The following CTNND2 variants were observed in gnomAD, a reference collection of about 807,000 sequenced individuals.
CTNND2 encodes the protein catenin delta 2.
Under a neutral mutation model 144.4 loss-of-function variants are expected in CTNND2, and 22 were observed. The observed-to-expected ratio is 0.15, with a 90% CI of 0.11 to 0.22. The LOEUF (loss-of-function observed/expected upper bound fraction) is 0.22, where lower values mean the gene tolerates loss of function less well. Among genes scored for constraint, CTNND2 ranks in the 10% least tolerant of loss-of-function variants. The pLI, the probability that CTNND2 is intolerant of heterozygous loss-of-function variation, is 1.00. For missense variants in CTNND2, 1,353 were observed against 1,618.8 expected (o/e 0.84, Z 2.82); for synonymous variants, 751 against 695.6 (o/e 1.08, Z -1.25).
intron 3 of CTNND2, among the ~76,000 whole-genome samples, chr5:11,546,608 T>TA (rs1226190371): frequency 5.3e-4 from 80 of 152,132 alleles, no homozygotes; most frequent in African/African-American, 1.6e-3. Flanking sequence ...GTCTCTTTTT[T>TA]AAAAAAAAGA....
intron 3 of CTNND2, among the ~76,000 whole-genome samples, chr5:11,520,007 C>T (rs1196296375): frequency 2.7e-5 from 4 of 150,514 alleles, no homozygotes; most frequent in African/African-American, 2.4e-5. Flanking sequence ...AACAGCTGGG[C>T]GTGGTGGTGG....
chr5:11,525,898 A>G, intron 3 of CTNND2, among the ~76,000 whole-genome samples: 1 of 152,088 alleles, frequency 6.6e-6, no homozygotes, highest in Non-Finnish European at 1.5e-5. Flanking sequence ...TCACTATCTT[A>G]CTTGTTTTTT....
At position 11,725,951 on chromosome 5, in the gene CTNND2, G is replaced by A. The variant is rs566084237; in HGVS notation, c.174+6185C>T. ...GAGCTTCCTCTAGAATATTCTATGG[G>A]TTAATTTCTTGCTTTGTGCAAACCA... On this transcript the variant is annotated intron_variant, in intron 2 of 21. Coordinates refer to ENST00000304623, the MANE Select transcript of CTNND2 (RefSeq NM_001332.4). 1.1e-3 allele frequency among the ~76,000 whole-genome samples: 165 copies of A among 152,196 alleles called. 1 individual carries two copies. Among genetic ancestry groups the A allele is most frequent in the Non-Finnish European group, 1.9e-3 (126 of 68,014 alleles).
chr5:11,886,975 CTTTTTTTTTTTTTTTT>C (rs36178842), intron 1 of CTNND2, among the ~76,000 whole-genome samples: 1 of 83,574 alleles, frequency 1.2e-5, no homozygotes, highest in Non-Finnish European at 2.4e-5. Context: ...TATCCTACTG[CTTTTTTTTTTTTTTTT>C]TTTTTTTTTT....
intron 12 of CTNND2, among the ~76,000 whole-genome samples, chr5:11,126,906 C>T (rs192947929): frequency 2.0e-5 from 3 of 152,288 alleles, no homozygotes; most frequent in Admixed American, 2.0e-4. Context: ...AAAAAAGCAG[C>T]TCATGCAATG....
At chr5:11,494,797 A>G (rs1769778854) in intron 3 of CTNND2, among the ~76,000 whole-genome samples, 1 of 152,228 alleles carries the variant, frequency 6.6e-6, no homozygotes, top group Non-Finnish European at 1.5e-5. Flanking sequence ...GGTCAGCCAT[A>G]TTAATGCTAT....
chr5:11,301,080 T>G (rs1024682581), intron 9 of CTNND2, among the ~76,000 whole-genome samples: 2 of 152,148 alleles, frequency 1.3e-5, no homozygotes, highest in Non-Finnish European at 2.9e-5. Flanking sequence ...GCAGTGGCCC[T>G]ATCTCGGCTC....
At chr5:11,330,199 C>T (rs752914250) in intron 9 of CTNND2, among the ~76,000 whole-genome samples, 1 of 151,176 alleles carries the variant, frequency 6.6e-6, no homozygotes, top group Non-Finnish European at 1.5e-5. Context: ...TGGCTGGGCA[C>T]GGTGGCTCAC....
intron 16 of CTNND2, among the ~76,000 whole-genome samples, chr5:11,064,371 A>C (rs779467267): frequency 1.3e-4 from 20 of 152,200 alleles, no homozygotes; most frequent in Non-Finnish European, 2.4e-4. Context: ...CAGAGACTAG[A>C]TAACAATCAT....
chr5:11,399,888 T>C (rs909902428), intron 5 of CTNND2, among the ~76,000 whole-genome samples: 1 of 152,244 alleles, frequency 6.6e-6, no homozygotes, highest in Non-Finnish European at 1.5e-5. Flanking sequence ...GTTTTTCCAT[T>C]GCTCACTAGG....
chr5:11,258,306 G>T lies in CTNND2; in HGVS notation c.1629-21483C>A, dbSNP rs549346206. ...GACCAGGCCCAAAGCATTTGGAGGG[G>T]CTGGATGGGCCCCTGCTCTCCTTTC... On this transcript the variant is annotated intron_variant, in intron 9 of 21. Coordinates refer to ENST00000304623, the MANE Select transcript of CTNND2 (RefSeq NM_001332.4). Among the ~76,000 whole-genome samples the T allele has an allele frequency of 2.4e-4, 36 of 152,332 alleles. No individual in the cohort carries two copies. The East Asian group carries it at 4.1e-3, about 17-fold the overall frequency.
chr5:11,277,075 A>G (rs190827334), intron 9 of CTNND2, among the ~76,000 whole-genome samples: 3 of 152,336 alleles, frequency 2.0e-5, no homozygotes, highest in Admixed American at 2.0e-4. Flanking sequence ...TTGAAGAGAA[A>G]AAGAAACGCA....
At chr5:11,819,686 T>G (rs1013624528) in intron 1 of CTNND2, among the ~76,000 whole-genome samples, 1 of 152,176 alleles carries the variant, frequency 6.6e-6, no homozygotes, top group Non-Finnish European at 1.5e-5. Context: ...AAGTAACTTT[T>G]GCCGCCTCTT....
intron 10 of CTNND2, among the ~76,000 whole-genome samples, chr5:11,234,466 G>C (rs1322049414): frequency 1.3e-5 from 2 of 152,190 alleles, no homozygotes; most frequent in African/African-American, 2.4e-5. Context: ...GGTAGTTCAA[G>C]GTGACTGAGC....
chr5:11,420,189 G>A (rs991831882), intron 3 of CTNND2, among the ~76,000 whole-genome samples: 3 of 152,234 alleles, frequency 2.0e-5, no homozygotes, highest in African/African-American at 7.2e-5. Flanking sequence ...TGGATGTGTT[G>A]TCAGGCGCCT....
chr5:11,175,352 A>C (rs1378105524), intron 11 of CTNND2, among the ~76,000 whole-genome samples: 1 of 152,232 alleles, frequency 6.6e-6, no homozygotes, highest in Non-Finnish European at 1.5e-5. Flanking sequence ...TAAAGAATAA[A>C]GTAAGAATAA....
intron 2 of CTNND2, among the ~76,000 whole-genome samples, chr5:11,585,256 T>C (rs929358585): frequency 6.6e-6 from 1 of 152,118 alleles, no homozygotes; most frequent in Non-Finnish European, 1.5e-5. Flanking sequence ...TGTTGGAACA[T>C]AAGCAATTGT....
intron 11 of CTNND2, among the ~76,000 whole-genome samples, chr5:11,179,767 A>C (rs1760824919): frequency 6.6e-6 from 1 of 152,202 alleles, no homozygotes; most frequent in Non-Finnish European, 1.5e-5. Context: ...AATATTTAAA[A>C]AAATATGTAA....
At chr5:11,799,052 T>G (rs976131861) in intron 1 of CTNND2, among the ~76,000 whole-genome samples, 3 of 152,190 alleles carry the variant, frequency 2.0e-5, no homozygotes, top group Non-Finnish European at 4.4e-5. Context: ...GTCAATATTC[T>G]TTTTTCCTTG....
Sources: gnomAD v4.1 joint callset for allele counts (sites outside exome capture counted in the v4.1 genomes callset) on GRCh38, gnomAD v4.1.1 for gene constraint, MANE v1.5 for transcripts, NCBI Gene and HGNC (gene_info 2026-07-23, HGNC 2026-07-21) for gene names.